The following DHDDS variants were observed in gnomAD, a reference collection of about 807,000 sequenced individuals.
DHDDS encodes dehydrodolichyl diphosphate synthase complex subunit DHDDS.
DHDDS carries 16 observed loss-of-function variants against 46.2 expected under a neutral mutation model. That is an observed-to-expected ratio of 0.35 (90% CI 0.23 to 0.53). The LOEUF is 0.53. Among genes scored for constraint, DHDDS ranks in the 20% least tolerant of loss-of-function variants. The pLI, the probability that DHDDS is intolerant of heterozygous loss-of-function variation, is 0.94. For synonymous variants in DHDDS, 151 were observed against 163.1 expected (o/e 0.93, Z 0.56); for missense variants, 340 against 423.7 (o/e 0.80, Z 1.73).
intron 2 of DHDDS, among the ~76,000 whole-genome samples, chr1:26,435,430 C>CTTT (rs35735570): frequency 4.0e-4 from 25 of 62,532 alleles, no homozygotes; most frequent in Non-Finnish European, 6.0e-4. Context: ...GAATTAGTGC[C>CTTT]TTTTTTTTTT....
intron 8 of DHDDS, among the ~76,000 whole-genome samples, chr1:26,461,526 C>T (rs1360607309): frequency 1.3e-5 from 2 of 151,960 alleles, no homozygotes; most frequent in Middle Eastern, 3.2e-3. Context: ...GCTGGGATTA[C>T]AGGCATGCGC....
intron 3 of DHDDS, 166 bp from the exon 4 acceptor site, chr1:26,442,564 TG>T: frequency 2.6e-6 from 2 of 775,594 alleles, no homozygotes; most frequent in South Asian, 2.9e-5. Flanking sequence ...GCTTATTTGA[TG>T]CATTAATTCT....
intron 8 of DHDDS, 56 bp from the exon 9 acceptor site, chr1:26,468,839 T>A (rs1033767947): frequency 8.6e-6 from 12 of 1,401,752 alleles, no homozygotes; most frequent in Admixed American, 1.9e-5. Context: ...TCCATCCCAG[T>A]TTCACCCACT....
chr1:26,446,703 T>TGTGG, intron 5 of DHDDS, among the ~76,000 whole-genome samples: 1 of 152,194 alleles, frequency 6.6e-6, no homozygotes, highest in South Asian at 2.1e-4. Context: ...TGTGTGTGTG[T>TGTGG]GTGTGGGTGT....
intron 6 of DHDDS, chr1:26,448,220 A>C (rs1570345403): frequency 6.8e-6 from 1 of 146,786 alleles, no homozygotes; most frequent in Admixed American, 6.9e-5. Context: ...TTGGTGAGGC[A>C]AAGTCTCACT....
chr1:26,465,148 C>T (rs755353937), intron 8 of DHDDS, among the ~76,000 whole-genome samples: 11 of 152,104 alleles, frequency 7.2e-5, no homozygotes, highest in Non-Finnish European at 1.6e-4. Flanking sequence ...GATGGTAGGT[C>T]CTTGAGAGGT....
intron 4 of DHDDS, among the ~76,000 whole-genome samples, chr1:26,445,479 C>G (rs2075259718): frequency 6.6e-6 from 1 of 152,152 alleles, no homozygotes; most frequent in South Asian, 2.1e-4. Flanking sequence ...TTGGGAGGCT[C>G]AGGCAGGAGG....
At chr1:26,452,267 T>A (rs1156720716) in intron 6 of DHDDS, among the ~76,000 whole-genome samples, 3 of 152,082 alleles carry the variant, frequency 2.0e-5, no homozygotes, top group Non-Finnish European at 4.4e-5. Flanking sequence ...GGTCTCAAAC[T>A]CCTGGGCTCA....
chr1:26,469,254 G>A lies in DHDDS; in HGVS notation c.*123G>A. ...AATGGTGTTCCCTTTGCTTGGCTGG[G>A]GAGCCCCCCAGGCCAGGTTTGCTGG... On this transcript the variant is annotated 3_prime_UTR_variant, in exon 9 of 9. Coordinates refer to ENST00000236342, the MANE Select transcript of DHDDS (RefSeq NM_205861.3). 6.3e-7 allele frequency: 1 copy of A among 1,575,854 alleles called. No individual in the cohort carries two copies.
intron 4 of DHDDS, chr1:26,443,207 C>T (rs2075235902): frequency 3.3e-6 from 1 of 304,212 alleles, no homozygotes; most frequent in Non-Finnish European, 6.3e-6. Context: ...TCTCTGCAGA[C>T]CAGTTTTCTC....
At chr1:26,448,470 C>T (rs951265091) in intron 6 of DHDDS, 2 of 152,616 alleles carry the variant, frequency 1.3e-5, no homozygotes, top group East Asian at 1.9e-4. Flanking sequence ...CATGCCCAGC[C>T]GATTCAGGGA....
chr1:26,450,392 T>C (rs1031800781), intron 6 of DHDDS, among the ~76,000 whole-genome samples: 2 of 152,120 alleles, frequency 1.3e-5, no homozygotes, highest in African/African-American at 4.8e-5. Flanking sequence ...AGTGGTCTTC[T>C]TGCCCTGGCC....
rs182086917 is a variant in DHDDS, at chr1:26,447,096, G to A, written c.441-463G>A. On this transcript the variant is annotated intron_variant, in intron 5 of 8. Coordinates refer to ENST00000236342, the MANE Select transcript of DHDDS (RefSeq NM_205861.3). Reference sequence around the variant, plus strand: ...TCACGCCTGTCATCCTAGGCAGGTGGATCACCTGAAGTCAGGAGTTCAAGA... The same window carrying A: ...TCACGCCTGTCATCCTAGGCAGGTGAATCACCTGAAGTCAGGAGTTCAAGA... Among the ~76,000 whole-genome samples the A allele has an allele frequency of 1.3e-3, 203 of 152,252 alleles. 1 individual carries two copies. Among genetic ancestry groups the A allele is most frequent in the Admixed American group, 5.9e-3 (90 of 15,288 alleles).
At chr1:26,462,517 C>A (rs554830929) in intron 8 of DHDDS, among the ~76,000 whole-genome samples, 1 of 152,230 alleles carries the variant, frequency 6.6e-6, no homozygotes, top group Admixed American at 6.5e-5. Context: ...TTGACAGTAT[C>A]TCTCCTCTTC....
At chr1:26,436,056 G>A (rs2124355401) in intron 2 of DHDDS, among the ~76,000 whole-genome samples, 1 of 151,824 alleles carries the variant, frequency 6.6e-6, no homozygotes, top group East Asian at 1.9e-4. Context: ...GGCCCTATGA[G>A]TTCCTTTTTT....
At chr1:26,435,105 G>C (rs2075140612) in intron 2 of DHDDS, among the ~76,000 whole-genome samples, 1 of 150,832 alleles carries the variant, frequency 6.6e-6, no homozygotes, top group African/African-American at 2.4e-5. Flanking sequence ...TGCCTCCCCG[G>C]TTCAAACAAT....
intron 3 of DHDDS, among the ~76,000 whole-genome samples, chr1:26,439,025 G>A (rs1022556846): frequency 1.3e-5 from 2 of 152,106 alleles, no homozygotes; most frequent in African/African-American, 2.4e-5. Context: ...TCCGCCTCCC[G>A]GGTTCAAGTG....
intron 6 of DHDDS, 94 bp from the exon 7 acceptor site, chr1:26,457,697 A>G (rs1181469970): frequency 4.3e-6 from 4 of 929,576 alleles, no homozygotes; most frequent in Non-Finnish European, 7.1e-6. Flanking sequence ...GTATAAACTG[A>G]GAAGCCTATA....
At chr1:26,453,424 G>A (rs1366961800) in intron 6 of DHDDS, among the ~76,000 whole-genome samples, 1 of 152,112 alleles carries the variant, frequency 6.6e-6, no homozygotes, top group African/African-American at 2.4e-5. Flanking sequence ...GAGTTTGAAA[G>A]TGCTCATTTC....
Sources: gnomAD v4.1 joint callset for allele counts (sites outside exome capture counted in the v4.1 genomes callset) on GRCh38, gnomAD v4.1.1 for gene constraint, MANE v1.5 for transcripts, NCBI Gene and HGNC (gene_info 2026-07-23, HGNC 2026-07-21) for gene names.